The following CYP7A1 variants were observed in gnomAD, a reference collection of about 807,000 sequenced individuals.
CYP7A1 encodes the protein cytochrome P450 7A1.
CYP7A1 carries 28 observed loss-of-function variants against 43.8 expected under a neutral mutation model. The observed-to-expected ratio is 0.64, with a 90% confidence interval of 0.47 to 0.88. The LOEUF is 0.88. Ranked by LOEUF, CYP7A1 falls within the 40% of genes least tolerant of loss-of-function variation. The pLI is 0.00. For synonymous variants in CYP7A1, 227 were observed against 222.5 expected, an observed-to-expected ratio of 1.02 and a Z score of -0.18; for missense variants, 637 against 611.9, an observed-to-expected ratio of 1.04 and a Z score of -0.43.
rs1244624809 is a variant in CYP7A1, at chr8:58,499,979, G to A, written c.80+40C>T. On this transcript the variant is annotated intron_variant, in intron 1 of 5. Coordinates refer to ENST00000301645, the MANE Select transcript of CYP7A1 (RefSeq NM_000780.4). ...AAAATGAAGGTAAAAAAATTAAATG[G>A]ATGAATCAAAGAGCAATTTAAAGAT... 2.6e-6 allele frequency: 4 copies of A among 1,529,178 alleles called. No homozygotes were observed. In the Admixed American group the frequency reaches 5.0e-5, roughly 19 times the overall value. The allele number at this position is 1,529,178 out of a possible 1,614,324, so 94.7% of individuals were successfully genotyped here.
Position 58,491,761 on chromosome 8 carries a change from T to C in CYP7A1, c.1229A>G (p.Asp410Gly), listed in dbSNP as rs1231634282. 1 of 1,613,338 alleles carries C rather than the reference T, an allele frequency of 6.2e-7. No individual in the cohort carries two copies. The highest frequency in any genetic ancestry group is 8.5e-7 in the Non-Finnish European group (1 of 1,179,438). The change falls in exon 6 of 6, where the codon GAT (aspartate) becomes GGT (glycine). Residue 410 changes from aspartate to glycine, a missense_variant. Physicochemically the swap from Asp to Gly is moderately conservative, Grantham distance 94. Transcript: ENST00000301645. The part of the protein sequence containing the change: ...IYPDPLTFKY[D>G]RYLDENGKTK... Reference sequence around the variant, plus strand: ...CTTCCCGTTTTCATCAAGATACCTATCATATTTAAAAGTCTGCAATAAAAA... The same window carrying C: ...CTTCCCGTTTTCATCAAGATACCTACCATATTTAAAAGTCTGCAATAAAAA...
intron 4 of CYP7A1, among the ~76,000 whole-genome samples, chr8:58,493,482 C>T (rs1478066420): frequency 1.3e-5 from 2 of 152,158 alleles, no homozygotes; most frequent in African/African-American, 4.8e-5. Context: ...TCCAGCCTGA[C>T]CTTTTAGCCG....
chr8:58,497,728 A>G (rs1809467093), intron 2 of CYP7A1, among the ~76,000 whole-genome samples: 1 of 152,216 alleles, frequency 6.6e-6, no homozygotes, highest in African/African-American at 2.4e-5. Context: ...CACAAAGACC[A>G]AAGCTAATAT....
At chr8:58,499,040 T>C (rs955580612) in intron 1 of CYP7A1, among the ~76,000 whole-genome samples, 14 of 152,194 alleles carry the variant, frequency 9.2e-5, no homozygotes, top group African/African-American at 2.7e-4. Flanking sequence ...TAAAATGAAA[T>C]TGAGTAAGAT....
chr8:58,497,885 T>C (rs1361307135), intron 2 of CYP7A1, among the ~76,000 whole-genome samples: 1 of 152,242 alleles, frequency 6.6e-6, no homozygotes, highest in Non-Finnish European at 1.5e-5. Flanking sequence ...AACTGCTGAA[T>C]GTTAGGTTTC....
Position 58,498,405 on chromosome 8 carries a change from C to T in CYP7A1, c.145G>A (p.Gly49Ser), listed in dbSNP as rs762648850. The T allele has an allele frequency of 1.2e-6, 2 of 1,613,952 alleles. No homozygotes were observed. Among genetic ancestry groups the T allele is most frequent in the South Asian group, 1.1e-5 (1 of 91,090 alleles). Residue 49 changes from glycine to serine, a missense_variant, in exon 2 of 6, where the codon GGT becomes AGT. Gly to Ser is a moderately conservative substitution (Grantham distance 56, BLOSUM62 0). Transcript: ENST00000301645. ...IPYLGCALQF[G>S]ANPLEFLRAN... ...CTGAGGAACTCAAGAGGATTGGCAC[C>T]AAATTGCAGAGCACAGCCCAGGTAT... is the stretch of plus-strand genomic sequence containing the variant.
At position 58,497,022 on chromosome 8, in the gene CYP7A1, C is replaced by A. The variant is rs766893445; in HGVS notation, c.490G>T (p.Ala164Ser). ...RPPVSSNSKT[A>S]AWVTEGMYSF... The stretch of plus-strand genomic sequence containing the variant: ...TACATCCCTTCTGTCACCCAGGCAG[C>A]GGTCTTTGAGTTAGAGGAGACTGGA... Residue 164 changes from alanine (A) to serine (S), a missense_variant, in exon 3 of 6, where the codon GCT becomes TCT. Coordinates refer to ENST00000301645, the MANE Select transcript of CYP7A1 (RefSeq NM_000780.4). 2 of 1,611,430 alleles carry A rather than the reference C, an allele frequency of 1.2e-6. No homozygotes were observed. Among genetic ancestry groups the A allele is most frequent in the South Asian group, 1.1e-5 (1 of 91,076 alleles).
At chr8:58,493,334 A>C (rs60950687) in intron 4 of CYP7A1, among the ~76,000 whole-genome samples, 1 of 152,340 alleles carries the variant, frequency 6.6e-6, no homozygotes, top group African/African-American at 2.4e-5. Context: ...ATGCAGCTTC[A>C]GTTCAACATT....
At position 58,499,235 on chromosome 8, in the gene CYP7A1, C is replaced by A. The variant is rs372301030; in HGVS notation, c.81-766G>T. 1.2e-3 allele frequency among the ~76,000 whole-genome samples: 179 copies of A among 152,186 alleles called. 1 individual carries two copies. Among genetic ancestry groups the A allele is most frequent in the African/African-American group, 4.0e-3 (168 of 41,522 alleles). On this transcript the variant is annotated intron_variant, in intron 1 of 5. Coordinates refer to ENST00000301645, the MANE Select transcript of CYP7A1 (RefSeq NM_000780.4). ...TAATTAAAAGTAAAAACTATCAGGC[C>A]TGAAAGAAACTGCAAAAGGCAGAAA...
chr8:58,493,333 C>T (rs1365886701), intron 4 of CYP7A1, among the ~76,000 whole-genome samples: 1 of 152,168 alleles, frequency 6.6e-6, no homozygotes, highest in Non-Finnish European at 1.5e-5. Context: ...AATGCAGCTT[C>T]AGTTCAACAT....
Position 58,496,905 on chromosome 8 carries a change from G to C in CYP7A1, c.607C>G (p.Leu203Val). ...TGCTTGAAGTTGTCAAGATTGTTTA[G>C]AATATGTGCTTTCTGTGTGTCCCGC... ...TRRDTQKAHILNNLDNFKQFD... is the reference protein window; with the variant it reads ...TRRDTQKAHIVNNLDNFKQFD... Residue 203 changes from leucine to valine, a missense_variant, in exon 3 of 6, where the codon CTA (leucine) becomes GTA (valine). Coordinates refer to ENST00000301645, the MANE Select transcript of CYP7A1 (RefSeq NM_000780.4). 1 of 1,614,226 alleles carries C rather than the reference G, an allele frequency of 6.2e-7. No homozygotes were observed. The highest frequency in any genetic ancestry group is 8.5e-7 in the Non-Finnish European group (1 of 1,180,044).
At position 58,491,714 on chromosome 8, in the gene CYP7A1, T is replaced by C; in HGVS notation, c.1276A>G (p.Asn426Asp). Residue 426 changes from asparagine to aspartate, a missense_variant, in exon 6 of 6, where the codon AAT becomes GAT. Asn to Asp is a conservative substitution (Grantham distance 23). Transcript: ENST00000301645. ...TAGTAATACTTTAACTTGAGTCCAT[T>C]ACAATAGAAGGTAGTCTTTGTCTTC... ...NGKTKTTFYCNGLKLKYYYMP... is the reference protein window; with the variant it reads ...NGKTKTTFYCDGLKLKYYYMP... 1 of 1,613,470 alleles carries C rather than the reference T, an allele frequency of 6.2e-7. No homozygotes were observed. The highest frequency in any genetic ancestry group is 1.1e-5 in the South Asian group (1 of 91,052).
rs201581713 is a variant in CYP7A1 at position 58,496,572 on chromosome 8, T to TA, written c.908+31dup. ...GTTTAATTTCTACTTTCTACTAAAA[T>TA]AAAAAAAAGAAATGGATATGGCGTT... On this transcript the variant is annotated intron_variant, in intron 3 of 5. Coordinates refer to ENST00000301645, the MANE Select transcript of CYP7A1 (RefSeq NM_000780.4). The TA allele has an allele frequency of 9.0e-4, 1,398 of 1,557,014 alleles. 6 individuals are homozygous for TA. The African/African-American group carries it at 0.016, about 18-fold the overall frequency.
intron 4 of CYP7A1, among the ~76,000 whole-genome samples, chr8:58,493,279 A>G (rs550063352): frequency 6.6e-6 from 1 of 152,336 alleles, no homozygotes; most frequent in African/African-American, 2.4e-5. Context: ...GAGATTGAAT[A>G]TACTGATAGC....
At chr8:58,491,895 CA>C in intron 5 of CYP7A1, 121 bp from the exon 6 acceptor site, 1 of 788,944 alleles carries the variant, frequency 1.3e-6, no homozygotes, top group Non-Finnish European at 2.1e-6. Context: ...AGTGATTTAG[CA>C]AATACTCCAC....
rs568918027 is a variant in CYP7A1, at chr8:58,496,893, C to G, written c.619G>C (p.Asp207His). The G allele has an allele frequency of 5.0e-6, 8 of 1,614,190 alleles. No homozygotes were observed. The South Asian group carries it at 8.8e-5, about 18-fold the overall frequency. The change falls in exon 3 of 6, where the codon GAC becomes CAC. Residue 207 changes from aspartate to histidine, a missense_variant. By Grantham distance (81) the Asp-to-His change is moderately conservative. Coordinates refer to ENST00000301645, the MANE Select transcript of CYP7A1 (RefSeq NM_000780.4). ...ACTTTGTCGAATTGCTTGAAGTTGTCAAGATTGTTTAGAATATGTGCTTTC... is the reference window on the plus strand; with the variant it reads ...ACTTTGTCGAATTGCTTGAAGTTGTGAAGATTGTTTAGAATATGTGCTTTC... ...TQKAHILNNL[D>H]NFKQFDKVFP...
intron 3 of CYP7A1, 76 bp from the exon 4 acceptor site, chr8:58,494,712 G>A: frequency 1.4e-6 from 2 of 1,396,094 alleles, no homozygotes; most frequent in South Asian, 2.3e-5. Context: ...CAAACAAATA[G>A]GCCTTTCCCC....
intron 3 of CYP7A1, among the ~76,000 whole-genome samples, chr8:58,495,523 C>G (rs1027139737): frequency 1.3e-5 from 2 of 152,150 alleles, no homozygotes; most frequent in African/African-American, 4.8e-5. Context: ...CCATTGCGCC[C>G]GGCCTGGTCA....
intron 2 of CYP7A1, among the ~76,000 whole-genome samples, chr8:58,497,853 T>A (rs544467858): frequency 9.9e-5 from 15 of 152,244 alleles, no homozygotes; most frequent in African/African-American, 2.4e-5. Flanking sequence ...TGAAACACTG[T>A]GTGGCACAAG....
Sources: allele counts gnomAD v4.1 joint callset (sites outside exome capture counted in the v4.1 genomes callset), GRCh38; gene constraint gnomAD v4.1.1; transcripts MANE v1.5; gene names NCBI Gene and HGNC (gene_info 2026-07-23, HGNC 2026-07-21).